PLEKHG1: variants seen among roughly 807,000 people sequenced by gnomAD.
PLEKHG1 encodes the protein pleckstrin homology and RhoGEF domain containing G1.
Under a neutral mutation model 100.8 loss-of-function variants are expected in PLEKHG1, and 44 were observed. The ratio of observed to expected loss-of-function variants is 0.44; its 90% CI spans 0.34 to 0.56. The LOEUF is 0.56. Ranked by LOEUF, PLEKHG1 falls within the 20% of genes least tolerant of loss-of-function variation. PLEKHG1 has a pLI of 0.01. For synonymous variants in PLEKHG1, 640 were observed against 662.5 expected, an observed-to-expected ratio of 0.97 and a Z score of 0.52; for missense variants, 1,545 against 1,720.9, an observed-to-expected ratio of 0.90 and a Z score of 1.81.
chr6:150,678,103 T>TATATAG, intron 3 of PLEKHG1, among the ~76,000 whole-genome samples: 1 of 137,912 alleles, frequency 7.3e-6, no homozygotes, highest in East Asian at 2.1e-4. Flanking sequence ...TATATATATA[T>TATATAG]GTTGTGGAAT....
intron 1 of PLEKHG1, among the ~76,000 whole-genome samples, chr6:150,620,928 G>A (rs1777273625): frequency 6.6e-6 from 1 of 152,114 alleles, no homozygotes; most frequent in Admixed American, 6.5e-5. Flanking sequence ...AATAAAACTT[G>A]GTTGTTCATA....
chr6:150,804,540 GCCATTTGTTTCACTGTCT>G, intron 6 of PLEKHG1, 52 bp from the exon 8 acceptor site: 1 of 1,237,672 alleles, frequency 8.1e-7, no homozygotes, highest in Non-Finnish European at 1.1e-6. Flanking sequence ...TCATAGCGGT[GCCATTTGTTTCACTGTCT>G]ATATGAAAAT....
At chr6:150,745,131 T>C (rs772431351) in intron 2 of PLEKHG1, among the ~76,000 whole-genome samples, 8 of 152,174 alleles carry the variant, frequency 5.3e-5, no homozygotes, top group Non-Finnish European at 1.2e-4. Context: ...AAAACCTAGA[T>C]TGTACAGCCT....
intron 3 of PLEKHG1, among the ~76,000 whole-genome samples, chr6:150,677,039 C>T (rs570125782): frequency 7.9e-5 from 12 of 151,966 alleles, no homozygotes; most frequent in East Asian, 3.9e-4. Flanking sequence ...ATTCTCCCTG[C>T]GCTGCCTTTA....
chr6:150,829,048 CCTCT>C lies in PLEKHG1; in HGVS notation c.1471-1531_1471-1528del, dbSNP rs546781701. Among the ~76,000 whole-genome samples, 26 of 152,176 alleles carry C rather than the reference CCTCT, an allele frequency of 1.7e-4. No homozygotes were observed. In the East Asian group the frequency reaches 5.0e-3, roughly 29 times the overall value. On this transcript the variant is annotated intron_variant, in intron 14 of 15. Transcript: ENST00000358517. The stretch of plus-strand genomic sequence containing the variant: ...TTATTGTCTCTCTACTCCTCTCTTC[CCTCT>C]CTAATAGATATTCCAATTAACATCT...
At chr6:150,800,557 G>T (rs966343374) in intron 5 of PLEKHG1, among the ~76,000 whole-genome samples, 162 bp from the exon 7 acceptor site, 4 of 152,214 alleles carry the variant, frequency 2.6e-5, no homozygotes, top group African/African-American at 9.6e-5. Flanking sequence ...CACCCTCCCA[G>T]AGGGAACCCT....
At chr6:150,790,678 A>C (rs1785920154) in intron 4 of PLEKHG1, among the ~76,000 whole-genome samples, 1 of 152,180 alleles carries the variant, frequency 6.6e-6, no homozygotes, top group South Asian at 2.1e-4. Context: ...AAGCTGTTTG[A>C]ATCAACTGTA....
intron 3 of PLEKHG1, among the ~76,000 whole-genome samples, chr6:150,699,419 A>G (rs9480538): frequency 0.11 from 16,824 of 152,112 alleles, 2,261 homozygotes; most frequent in African/African-American, 0.32. Context: ...GTAGACGTTG[A>G]TGCTCCGGGA....
rs367660756 is a variant in PLEKHG1, at chr6:150,781,920, T to C, written c.513-4470T>C. 6.6e-5 allele frequency among the ~76,000 whole-genome samples: 10 copies of C among 151,558 alleles called. 1 individual carries two copies. The highest frequency in any genetic ancestry group is 2.1e-4 in the South Asian group (1 of 4,782). ...CCAAATAGCTGGGACTACAGGTGCC[T>C]GCCACCACGCCCGGCTAATTTTTTT... On this transcript the variant is annotated intron_variant, in intron 3 of 15. Transcript: ENST00000358517.
At chr6:150,709,263 A>T (rs902774912) in intron 3 of PLEKHG1, among the ~76,000 whole-genome samples, 2 of 152,260 alleles carry the variant, frequency 1.3e-5, no homozygotes, top group African/African-American at 4.8e-5. Context: ...TGAACCCAGG[A>T]GGTGGAGGTT....
chr6:150,613,797 A>G (rs1776950941), intron 1 of PLEKHG1, among the ~76,000 whole-genome samples: 1 of 152,160 alleles, frequency 6.6e-6, no homozygotes, highest in African/African-American at 2.4e-5. Flanking sequence ...ATTCCCCTCT[A>G]GTATCCTCCA....
At chr6:150,716,103 G>A (rs1332061657), upstream of PLEKHG1, among the ~76,000 whole-genome samples, 10 of 45,468 alleles carry the variant, frequency 2.2e-4, no homozygotes, top group East Asian at 5.0e-3. Context: ...GCGAGACTCC[G>A]TCTCAAAAAA....
At chr6:150,724,892 A>T (rs1159874024) in intron 1 of PLEKHG1, among the ~76,000 whole-genome samples, 2 of 151,984 alleles carry the variant, frequency 1.3e-5, no homozygotes, top group South Asian at 4.1e-4. Context: ...TTTTCACCAG[A>T]CTGCTCCAGA....
intron 1 of PLEKHG1, among the ~76,000 whole-genome samples, chr6:150,728,204 T>G (rs942990300): frequency 2.0e-5 from 3 of 152,328 alleles, no homozygotes; most frequent in Admixed American, 6.5e-5. Flanking sequence ...TCAAGAATAA[T>G]GTAATTATAT....
At chr6:150,809,454 C>T in exon 9 of PLEKHG1, 1 of 1,613,744 alleles carries the variant, frequency 6.2e-7, no homozygotes. Context: ...TACAAGAATC[C>T]CAAGCTGCAG....
At chr6:150,791,651 C>CA (rs1583138835) in intron 4 of PLEKHG1, among the ~76,000 whole-genome samples, 2 of 140,984 alleles carry the variant, frequency 1.4e-5, no homozygotes, top group African/African-American at 5.3e-5. Context: ...GCCTGGGTGG[C>CA]AGAGCAAGAC....
rs539719549 is a variant in PLEKHG1 at position 150,746,509 on chromosome 6, C to T, written c.411+12417C>T. On this transcript the variant is annotated intron_variant, in intron 2 of 15. Transcript: ENST00000358517. ...GACTAATAAAAACTGCCACAAATAT[C>T]CTTAATTCACTTTTAATTTCCATCT... Among the ~76,000 whole-genome samples the T allele has an allele frequency of 3.3e-5, 5 of 152,250 alleles. No homozygotes were observed. In the South Asian group the frequency reaches 1.0e-3, roughly 32 times the overall value.
intron 1 of PLEKHG1, among the ~76,000 whole-genome samples, chr6:150,602,062 C>T (rs1208383490): frequency 6.6e-6 from 1 of 152,148 alleles, no homozygotes; most frequent in Non-Finnish European, 1.5e-5. Flanking sequence ...GTTGTGTTCC[C>T]CCTTTGCGGA....
rs531855236 is a variant in PLEKHG1, at chr6:150,600,605, G to C, written c.-204+588G>C. Among the ~76,000 whole-genome samples the C allele has an allele frequency of 6.6e-6, 1 of 152,212 alleles. No individual in the cohort carries two copies. Among genetic ancestry groups the C allele is most frequent in the Non-Finnish European group, 1.5e-5 (1 of 68,020 alleles). On this transcript the variant is annotated intron_variant, in intron 1 of 3. Transcript: ENST00000367326. The surrounding 1 kb of genome is among the most constrained non-coding windows in gnomAD (Gnocchi z 6.2). ...CCCGTTCTGCAGATGCGCTTTTCAG[G>C]GGGTGGGGAGTCAAGAGCCTGTGGC...
Sources: allele counts gnomAD v4.1 joint callset (sites outside exome capture counted in the v4.1 genomes callset), GRCh38; gene constraint gnomAD v4.1.1; non-coding constraint Gnocchi (gnomAD v3.1); transcripts MANE v1.5; gene names NCBI Gene and HGNC (gene_info 2026-07-23, HGNC 2026-07-21).